Variants in MSH6 observed in about 807,000 individuals in gnomAD.
MSH6 encodes the protein DNA mismatch repair protein Msh6.
MSH6 carries 85 observed loss-of-function variants against 119.1 expected under a neutral mutation model. The observed-to-expected ratio is 0.71, with a 90% CI of 0.60 to 0.85. The LOEUF is 0.85. MSH6 is among the 40% of genes least tolerant of loss of function. MSH6 has a pLI of 0.00. For missense variants in MSH6, 2,163 were observed against 1,655.3 expected (o/e 1.31, Z -5.32); for synonymous variants, 830 against 586.9 (o/e 1.41, Z -5.99).
intron 1 of MSH6, chr2:47,783,963 T>G (rs1668184376): frequency 5.8e-6 from 6 of 1,030,144 alleles, no homozygotes; most frequent in African/African-American, 3.5e-5. Flanking sequence ...GAGAGTCCGG[T>G]GGTGTGGGGT....
rs1269788253 is a variant in MSH6, at chr2:47,805,708, G to GT, written c.3646+2dup. 1.3e-6 allele frequency: 2 copies of GT among 1,597,172 alleles called. No homozygotes were observed. Among genetic ancestry groups the GT allele is most frequent in the African/African-American group, 1.4e-5 (1 of 73,322 alleles). On this transcript the variant is annotated splice_donor_variant, in intron 7 of 9. Transcript: ENST00000234420. LOFTEE classifies it high-confidence loss of function. ...TCTCTGGTGCTTGTGGATGAATTAGGTAAGACATTAAACTTCTCATTTGAA... is the reference window on the plus strand; with the variant it reads ...TCTCTGGTGCTTGTGGATGAATTAGGTTAAGACATTAAACTTCTCATTTGAA...
intron 1 of MSH6, among the ~76,000 whole-genome samples, chr2:47,788,570 CTT>C (rs531963943): frequency 1.6e-4 from 17 of 104,846 alleles, no homozygotes; most frequent in Non-Finnish European, 1.9e-4. Flanking sequence ...TTTTCTTTTT[CTT>C]TTTTTTTTTT....
chr2:47,804,529 A>AAC (rs1343625062), intron 5 of MSH6, among the ~76,000 whole-genome samples: 1 of 86,408 alleles, frequency 1.2e-5, no homozygotes, highest in Non-Finnish European at 2.2e-5. Context: ...AGAATGTGAC[A>AAC]ACGTGTAAAA....
At chr2:47,792,421 C>A (rs574089497) in intron 2 of MSH6, among the ~76,000 whole-genome samples, 31 of 152,318 alleles carry the variant, frequency 2.0e-4, no homozygotes, top group African/African-American at 7.5e-4. Context: ...GGTGATCTGA[C>A]ATACAGGTGG....
chr2:47,790,267 G>A (rs375490865), intron 1 of MSH6, among the ~76,000 whole-genome samples: 1 of 152,090 alleles, frequency 6.6e-6, no homozygotes, highest in Non-Finnish European at 1.5e-5. Flanking sequence ...ACAAAAAAAA[G>A]GTAAAAATAA....
intron 7 of MSH6, 74 bp downstream of exon 7, chr2:47,805,781 G>A (rs1669989669): frequency 8.7e-7 from 1 of 1,152,366 alleles, no homozygotes; most frequent in South Asian, 1.2e-5. Context: ...TTTTATAGAA[G>A]ATTATCTGAA....
rs1572698754 is a variant in MSH6 at position 47,783,567 on chromosome 2, G to A, written c.260+74G>A. 5 of 1,355,612 alleles carry A rather than the reference G, an allele frequency of 3.7e-6. No individual in the cohort carries two copies. In the East Asian group the frequency reaches 1.4e-4, roughly 39 times the overall value. 84.0% of individuals were successfully genotyped at this position (1,355,612 alleles called of 1,614,324 possible). A position where few individuals can be genotyped will look rare whatever the true frequency, so the allele number is the denominator to read the frequency against. On this transcript the variant is annotated intron_variant, in intron 1 of 9. Transcript: ENST00000234420. ...CTTGGAACCCGGCGAGGGGAGGCTC[G>A]CACAGGGGGTTGGGGGGGTGCACGG...
chr2:47,796,182 T>A, intron 3 of MSH6, 119 bp downstream of exon 3: 4 of 1,005,620 alleles, frequency 4.0e-6, no homozygotes, highest in Non-Finnish European at 3.1e-6. Context: ...ATTATTTTAT[T>A]ATACATACAT....
intron 7 of MSH6, 69 bp downstream of exon 7, chr2:47,805,776 TAGA>T (rs1669988933): frequency 5.0e-6 from 6 of 1,193,558 alleles, no homozygotes; most frequent in South Asian, 1.2e-5. Flanking sequence ...ACTATTTTTA[TAGA>T]AGATTATCTG....
intron 5 of MSH6, 27 bp downstream of exon 5, chr2:47,803,712 C>A (rs2104487915): frequency 6.2e-7 from 1 of 1,613,688 alleles, no homozygotes; most frequent in Non-Finnish European, 8.5e-7. Flanking sequence ...GTTTTGTTAT[C>A]AGAAAGTCAT....
rs730881813 is a variant in MSH6, at chr2:47,795,968, C to G, written c.532C>G (p.Arg178Gly). Reference sequence around the variant, plus strand: ...GCCTGAAATACTGAGAGCAATGCAACGTGCAGATGAAGCCTTAAATAAAGA... The same window carrying G: ...GCCTGAAATACTGAGAGCAATGCAAGGTGCAGATGAAGCCTTAAATAAAGA... The part of the protein sequence containing the change: ...AKPEILRAMQ[R>G]ADEALNKDKI... The change falls in exon 3 of 10, where the codon CGT becomes GGT. Residue 178 changes from arginine (R) to glycine (G), a missense_variant. Arg to Gly is a moderately radical substitution (Grantham distance 125). Coordinates refer to ENST00000234420, the MANE Select transcript of MSH6 (RefSeq NM_000179.3). 6.2e-7 allele frequency: 1 copy of G among 1,614,058 alleles called. No homozygotes were observed. The highest frequency in any genetic ancestry group is 8.5e-7 in the Non-Finnish European group (1 of 1,179,974).
intron 2 of MSH6, among the ~76,000 whole-genome samples, chr2:47,794,326 C>A (rs1237657187): frequency 1.3e-5 from 2 of 151,968 alleles, no homozygotes; most frequent in Non-Finnish European, 2.9e-5. Flanking sequence ...GGCTGGAGTG[C>A]AATGGTGCAG....
At position 47,791,557 on chromosome 2, in the gene MSH6, C is replaced by G. The variant is rs3136285; in HGVS notation, c.457+434C>G. ...TGAGTTTCACACCAAACTCCTGGAACCATAACTTTCTTTTCCCAGATCTAG... is the reference window on the plus strand; with the variant it reads ...TGAGTTTCACACCAAACTCCTGGAAGCATAACTTTCTTTTCCCAGATCTAG... On this transcript the variant is annotated intron_variant, in intron 2 of 9. Transcript: ENST00000234420. 5.4e-3 allele frequency among the ~76,000 whole-genome samples: 821 copies of G among 152,268 alleles called. 3 individuals are homozygous for G. Among genetic ancestry groups the G allele is most frequent in the Non-Finnish European group, 7.8e-3 (533 of 68,018 alleles).
Position 47,795,075 on chromosome 2 carries a change from G to A in MSH6, c.458-819G>A, listed in dbSNP as rs3136310. The stretch of plus-strand genomic sequence containing the variant: ...CCCAGAGTGCTGGGATTACAGGTGC[G>A]AGCCATTGTGCCCAGCTAGTAAGTT... On this transcript the variant is annotated intron_variant, in intron 2 of 9. Transcript: ENST00000234420. Among the ~76,000 whole-genome samples, 218 of 152,232 alleles carry A rather than the reference G, an allele frequency of 1.4e-3. 2 individuals carry two copies. The East Asian group carries it at 0.033, about 23-fold the overall frequency.
downstream of MSH6, chr2:47,807,600 T>C: frequency 4.6e-6 from 1 of 218,714 alleles, no homozygotes; most frequent in South Asian, 1.8e-4. Flanking sequence ...AAGATTTTGC[T>C]TGAAATTAAA....
At chr2:47,806,080 T>C (rs377363041) in intron 7 of MSH6, 124 bp from the exon 8 acceptor site, 2 of 932,824 alleles carry the variant, frequency 2.1e-6, no homozygotes, top group Non-Finnish European at 3.4e-6. Flanking sequence ...GGCCTATTTA[T>C]AGAATGCTTT....
intron 1 of MSH6, among the ~76,000 whole-genome samples, chr2:47,788,934 T>TTTTTG (rs1668553351): frequency 1.6e-4 from 16 of 99,652 alleles, no homozygotes; most frequent in African/African-American, 2.3e-4. Flanking sequence ...TTTTTTTTTT[T>TTTTTG]TTTTTTTTTT....
At chr2:47,793,318 CAAAAAAAAAAAAAAAA>C (rs34250836) in intron 2 of MSH6, among the ~76,000 whole-genome samples, 7 of 48,814 alleles carry the variant, frequency 1.4e-4, no homozygotes, top group South Asian at 1.1e-3. Context: ...GAGACTGTCT[CAAAAAAAAAAAAAAAA>C]AAAAAAAAAA....
At chr2:47,802,347 T>C (rs1669651862) in intron 4 of MSH6, among the ~76,000 whole-genome samples, 2 of 152,204 alleles carry the variant, frequency 1.3e-5, no homozygotes, top group African/African-American at 4.8e-5. Context: ...TTTTTTTTAA[T>C]TTTTTAGAGA....
Sources: allele counts gnomAD v4.1 joint callset (sites outside exome capture counted in the v4.1 genomes callset), GRCh38; gene constraint gnomAD v4.1.1; transcripts MANE v1.5; gene names NCBI Gene and HGNC (gene_info 2026-07-23, HGNC 2026-07-21).